The following RARB variants were observed in gnomAD, a reference collection of about 807,000 sequenced individuals.
The protein encoded by RARB is retinoic acid receptor beta, also known as HBV-activated protein.
A neutral mutation model predicts 51.9 loss-of-function variants in RARB; 17 were observed. That is an observed-to-expected ratio of 0.33 (90% CI 0.22 to 0.49). The LOEUF (loss-of-function observed/expected upper bound fraction) is 0.49, where lower values mean the gene tolerates loss of function less well. Ranked by LOEUF, RARB falls within the 20% of genes least tolerant of loss-of-function variation. RARB has a pLI of 0.99. For missense variants in RARB, 369 were observed against 550.8 expected (o/e 0.67, Z 3.30); for synonymous variants, 215 against 195.4 (o/e 1.10, Z -0.84).
chr3:25,539,577 A>AT (rs1699288422), intron 3 of RARB, among the ~76,000 whole-genome samples: 3 of 32,356 alleles, frequency 9.3e-5, no homozygotes, highest in African/African-American at 1.8e-4. Context: ...TTTCCCCTTT[A>AT]TTTCTTTTTT....
intron 2 of RARB, among the ~76,000 whole-genome samples, chr3:25,038,171 C>A (rs1282913968): frequency 2.6e-5 from 4 of 152,086 alleles, no homozygotes; most frequent in Non-Finnish European, 5.9e-5. Flanking sequence ...CATATTACAT[C>A]TCTGGGCCTC....
At position 25,358,870 on chromosome 3, in the gene RARB, A is replaced by G. The variant is rs552629775; in HGVS notation, c.179-102323A>G. On this transcript the variant is annotated intron_variant, in intron 5 of 11. Transcript: ENST00000383772. Reference sequence around the variant, plus strand: ...AATAAGATTTTTAATGTGCTGCTGGATTCAGTTTGCCAGTATTTTATTGAG... The same window carrying G: ...AATAAGATTTTTAATGTGCTGCTGGGTTCAGTTTGCCAGTATTTTATTGAG... 1.9e-4 allele frequency among the ~76,000 whole-genome samples: 29 copies of G among 152,120 alleles called. No individual in the cohort carries two copies. In the South Asian group the frequency reaches 5.6e-3, roughly 29 times the overall value.
At chr3:25,393,582 T>A (rs1274129901) in intron 5 of RARB, among the ~76,000 whole-genome samples, 2 of 152,130 alleles carry the variant, frequency 1.3e-5, no homozygotes, top group Non-Finnish European at 2.9e-5. Flanking sequence ...ATTGTTCTGT[T>A]AAGAGATTCC....
At chr3:25,125,003 C>T (rs80175842) in intron 3 of RARB, among the ~76,000 whole-genome samples, 2,909 of 152,208 alleles carry the variant, frequency 0.019, 75 homozygotes, top group African/African-American at 0.057. Flanking sequence ...TGTTTAGCAA[C>T]TGATAAAAAT....
chr3:25,026,469 G>A (rs1238775500), intron 2 of RARB, among the ~76,000 whole-genome samples: 1 of 152,122 alleles, frequency 6.6e-6, no homozygotes, highest in East Asian at 1.9e-4. Context: ...ATGTGCTCAC[G>A]TGGTCTTTTT....
At chr3:25,367,529 T>G (rs948392619) in intron 5 of RARB, among the ~76,000 whole-genome samples, 1 of 151,986 alleles carries the variant, frequency 6.6e-6, no homozygotes, top group South Asian at 2.1e-4. Flanking sequence ...GAAATGTGGC[T>G]GTTCAGCCAG....
At chr3:24,888,873 C>G (rs941890865) in intron 2 of RARB, among the ~76,000 whole-genome samples, 1 of 152,156 alleles carries the variant, frequency 6.6e-6, no homozygotes, top group Non-Finnish European at 1.5e-5. Context: ...TGCCTCAGGC[C>G]TCTGCTTCAA....
chr3:25,315,308 G>C (rs192955257), intron 5 of RARB, among the ~76,000 whole-genome samples: 2 of 152,160 alleles, frequency 1.3e-5, no homozygotes, highest in Non-Finnish European at 2.9e-5. Flanking sequence ...TACTTGAGAA[G>C]TATAATGCAG....
intron 2 of RARB, among the ~76,000 whole-genome samples, chr3:24,928,616 C>A (rs542695688): frequency 1.3e-5 from 2 of 152,038 alleles, no homozygotes; most frequent in South Asian, 4.1e-4. Context: ...CAGCTTTAAG[C>A]TTCTCAGCAA....
intron 5 of RARB, among the ~76,000 whole-genome samples, chr3:25,297,364 C>T (rs1410766010): frequency 6.8e-6 from 1 of 148,018 alleles, no homozygotes; most frequent in Non-Finnish European, 1.5e-5. Context: ...CTCCCTATTC[C>T]TGATGTTGCT....
At chr3:25,195,674 G>A (rs1218268465) in intron 5 of RARB, among the ~76,000 whole-genome samples, 1 of 151,922 alleles carries the variant, frequency 6.6e-6, no homozygotes, top group Non-Finnish European at 1.5e-5. Flanking sequence ...TTAGCTCAGT[G>A]GACTGTATTT....
At position 24,863,190 on chromosome 3, in the gene RARB, C is replaced by A. The variant is rs186860432; in HGVS notation, c.-380+4438C>A. Among the ~76,000 whole-genome samples, 724 of 152,268 alleles carry A rather than the reference C, an allele frequency of 4.8e-3. 3 individuals carry two copies. Among genetic ancestry groups the A allele is most frequent in the Non-Finnish European group, 5.9e-3 (404 of 68,020 alleles). On this transcript the variant is annotated intron_variant, in intron 2 of 11. Coordinates refer to the RARB transcript ENST00000383772. ...TGCCTCATCTAACTGGGGCTGCAGA[C>A]AAATGGCTTGTGAAAAGATCCGTAC...
At chr3:25,498,934 T>G (rs1175800453) in intron 2 of RARB, among the ~76,000 whole-genome samples, 4 of 152,138 alleles carry the variant, frequency 2.6e-5, no homozygotes, top group African/African-American at 9.7e-5. Flanking sequence ...TGGGAGGATT[T>G]CACAGTATTT....
At chr3:25,013,782 G>T (rs536413469) in intron 2 of RARB, among the ~76,000 whole-genome samples, 4 of 152,180 alleles carry the variant, frequency 2.6e-5, no homozygotes, top group African/African-American at 9.6e-5. Flanking sequence ...AGGCTCAAGG[G>T]TAGACTGGAC....
At chr3:25,589,154 G>C (rs1701518030) in intron 5 of RARB, among the ~76,000 whole-genome samples, 1 of 152,228 alleles carries the variant, frequency 6.6e-6, no homozygotes, top group Admixed American at 6.5e-5. Flanking sequence ...TTTTCACTGA[G>C]GCTTTAGAGG....
At chr3:25,455,539 G>A (rs1694862762) in intron 1 of RARB, among the ~76,000 whole-genome samples, 1 of 152,150 alleles carries the variant, frequency 6.6e-6, no homozygotes, top group Admixed American at 6.5e-5. Flanking sequence ...GTATGTTGTG[G>A]GGGTGGAGAT....
upstream of RARB, among the ~76,000 whole-genome samples, chr3:25,424,679 TG>T (rs57090166): frequency 6.6e-6 from 1 of 152,048 alleles, no homozygotes; most frequent in Admixed American, 6.6e-5. Flanking sequence ...GCCCCTGTGG[TG>T]GGGGGGGATA....
At chr3:24,941,971 T>C (rs761290181) in intron 2 of RARB, among the ~76,000 whole-genome samples, 1 of 152,170 alleles carries the variant, frequency 6.6e-6, no homozygotes, top group Non-Finnish European at 1.5e-5. Context: ...GGCTGAAAAA[T>C]GTATTTTTCC....
chr3:25,244,325 G>T (rs1702503519), intron 5 of RARB, among the ~76,000 whole-genome samples: 1 of 131,702 alleles, frequency 7.6e-6, no homozygotes, highest in African/African-American at 3.0e-5. Flanking sequence ...ATTCTGCTCT[G>T]ATCTTAGTTG....
Sources: gnomAD v4.1 joint callset for allele counts (sites outside exome capture counted in the v4.1 genomes callset) on GRCh38, gnomAD v4.1.1 for gene constraint, MANE v1.5 for transcripts, NCBI Gene and HGNC (gene_info 2026-07-23, HGNC 2026-07-21) for gene names.